The following GASK1A variants were observed in gnomAD, a reference collection of about 807,000 sequenced individuals.
GASK1A encodes Golgi-associated kinase 1A.
A neutral mutation model predicts 41.2 loss-of-function variants in GASK1A; 40 were observed. The ratio of observed to expected loss-of-function variants is 0.97; its 90% CI spans 0.75 to 1.27. The LOEUF is 1.27. Ranked by LOEUF, GASK1A falls within the 50% of genes most tolerant of loss-of-function variation. The probability of loss-of-function intolerance (pLI) is 0.00; values close to 1 mark genes in which losing one functional copy is unlikely to be tolerated. For missense variants in GASK1A, 678 were observed against 745.1 expected (o/e 0.91, Z 1.05); for synonymous variants, 316 against 307.1 (o/e 1.03, Z -0.30).
chr3:43,006,644 A>C (rs2089437542), intron 1 of GASK1A, among the ~76,000 whole-genome samples: 1 of 152,134 alleles, frequency 6.6e-6, no homozygotes, highest in Non-Finnish European at 1.5e-5. Flanking sequence ...TATTTTCCCC[A>C]GTGTTCTGAA....
intron 2 of GASK1A, among the ~76,000 whole-genome samples, chr3:43,040,132 G>A (rs1409733185): frequency 1.3e-5 from 2 of 152,012 alleles, no homozygotes; most frequent in Non-Finnish European, 2.9e-5. Context: ...TCCTGTTTTT[G>A]ATATATCTTT....
In GASK1A at chr3:42,984,076, T is replaced by C. The variant is rs2089294762; in HGVS notation, c.3+4431T>C. On this transcript the variant is annotated intron_variant, in intron 1 of 4. Transcript: ENST00000430121. The surrounding 1 kb of genome is among the most constrained non-coding windows in gnomAD (Gnocchi z 4.2). ...TGCATCAGTTTTCTTTGAGGCATGG[T>C]TGCTGTGAGTCACCTGGGGCTGTCT... 6.6e-6 allele frequency among the ~76,000 whole-genome samples: 1 copy of C among 152,126 alleles called. No individual in the cohort carries two copies. The highest frequency in any genetic ancestry group is 2.4e-5 in the African/African-American group (1 of 41,428).
At position 43,056,428 on chromosome 3, in the gene GASK1A, C is replaced by A; in HGVS notation, c.*42C>A. On this transcript the variant is annotated 3_prime_UTR_variant, in exon 5 of 5. Transcript: ENST00000430121. ...AGTCAATGAGCATCCATCCTGATGG[C>A]CACATTTTCTTGGGCTCACTCATCT... The A allele has an allele frequency of 6.9e-7, 1 of 1,444,284 alleles. No individual in the cohort carries two copies. The highest frequency in any genetic ancestry group is 9.2e-7 in the Non-Finnish European group (1 of 1,083,724). 89.5% of individuals were successfully genotyped at this position (1,444,284 alleles called of 1,614,324 possible).
At chr3:43,037,618 T>C (rs1182114878) in intron 2 of GASK1A, among the ~76,000 whole-genome samples, 1 of 152,178 alleles carries the variant, frequency 6.6e-6, no homozygotes, top group Non-Finnish European at 1.5e-5. Context: ...ATGATACATT[T>C]TTAATTTTAA....
At chr3:42,985,681 A>C (rs1339918104) in intron 1 of GASK1A, among the ~76,000 whole-genome samples, 1 of 151,800 alleles carries the variant, frequency 6.6e-6, no homozygotes. Context: ...TATTCTGCTG[A>C]AGATATAGAG....
rs144597277 is a variant in GASK1A, at chr3:42,988,644, G to A, written c.3+8999G>A. Among the ~76,000 whole-genome samples, 9 of 152,362 alleles carry A rather than the reference G, an allele frequency of 5.9e-5. No individual in the cohort carries two copies. In the East Asian group the frequency reaches 1.7e-3, roughly 29 times the overall value. The stretch of plus-strand genomic sequence containing the variant: ...CTGAGCCAGGCAGGTGCCCCTTTCA[G>A]CTTGTGAGCATGCCATGCAGCGGGG... On this transcript the variant is annotated intron_variant, in intron 1 of 4. Transcript: ENST00000430121.
chr3:43,043,148 G>A (rs1213976193), intron 2 of GASK1A, among the ~76,000 whole-genome samples: 1 of 152,208 alleles, frequency 6.6e-6, no homozygotes, highest in African/African-American at 2.4e-5. Flanking sequence ...CCCAGGCAGT[G>A]AGCCTGCCTA....
intron 2 of GASK1A, among the ~76,000 whole-genome samples, chr3:43,043,962 G>A (rs1382837487): frequency 6.6e-6 from 1 of 152,220 alleles, no homozygotes; most frequent in Admixed American, 6.5e-5. Flanking sequence ...ACACTGGCAA[G>A]TGTGCCAGCC....
At chr3:42,986,604 G>A (rs1290083024) in intron 1 of GASK1A, among the ~76,000 whole-genome samples, 6 of 151,944 alleles carry the variant, frequency 3.9e-5, no homozygotes, top group Admixed American at 2.0e-4. Flanking sequence ...GACCACAGGG[G>A]AACCTCCTGG....
At position 43,033,321 on chromosome 3, in the gene GASK1A, G is replaced by C; in HGVS notation, c.1058G>C (p.Ser353Thr). The change falls in exon 2 of 5, where the codon AGC (serine) becomes ACC (threonine). Residue 353 changes from serine to threonine, a missense_variant. Physicochemically the swap from Ser to Thr is moderately conservative, Grantham distance 58 (BLOSUM62 1). Transcript: ENST00000430121. ...SLPAVARRFH[S>T]PLLPYRYTDG... ...CCTGCTGTGGCCCGCCGCTTCCATAGCCCCCTCCTGCCCTACCGATACACA... is the reference window on the plus strand; with the variant it reads ...CCTGCTGTGGCCCGCCGCTTCCATACCCCCCTCCTGCCCTACCGATACACA... 6.4e-7 allele frequency: 1 copy of C among 1,551,104 alleles called. No individual in the cohort carries two copies. The highest frequency in any genetic ancestry group is 8.7e-7 in the Non-Finnish European group (1 of 1,146,736).
rs989959249 is a variant in GASK1A at position 42,996,910 on chromosome 3, A to T, written c.3+17265A>T. Among the ~76,000 whole-genome samples, 5 of 152,228 alleles carry T rather than the reference A, an allele frequency of 3.3e-5. No individual in the cohort carries two copies. In the East Asian group the frequency reaches 9.6e-4, roughly 29 times the overall value. On this transcript the variant is annotated intron_variant, in intron 1 of 4. Transcript: ENST00000430121. ...TGTGGTCTCCTTGGAGAATGTGCAC[A>T]AACTCTGAGAGGCCATTTGTCTTTC... is the stretch of plus-strand genomic sequence containing the variant.
At chr3:43,023,724 T>A (rs1199077977) in intron 1 of GASK1A, among the ~76,000 whole-genome samples, 1 of 152,216 alleles carries the variant, frequency 6.6e-6, no homozygotes, top group Non-Finnish European at 1.5e-5. Context: ...AATCATCAGA[T>A]AAATGTATCT....
At chr3:43,022,874 A>G (rs199694935) in intron 1 of GASK1A, among the ~76,000 whole-genome samples, 1 of 152,256 alleles carries the variant, frequency 6.6e-6, no homozygotes, top group East Asian at 1.9e-4. Context: ...TGGCACATTT[A>G]CATTGTGAAA....
chr3:43,051,270 G>A (rs765728219), intron 2 of GASK1A, among the ~76,000 whole-genome samples: 16 of 151,844 alleles, frequency 1.1e-4, no homozygotes, highest in Non-Finnish European at 2.4e-4. Context: ...TATTGTATAT[G>A]GCCACTGAAA....
chr3:42,997,707 A>G (rs919584085), intron 1 of GASK1A, among the ~76,000 whole-genome samples: 1 of 152,208 alleles, frequency 6.6e-6, no homozygotes, highest in South Asian at 2.1e-4. Context: ...TTTGACAGTT[A>G]TCTCATTTAA....
chr3:42,979,362 C>T lies in GASK1A; in HGVS notation c.-281C>T. ...AGTAGACCGCAGAGGCTCGCGGCCG[C>T]GGGTAGGCTCCCTCAGATCCCCGTA... On this transcript the variant is annotated 5_prime_UTR_variant, in exon 1 of 5. Coordinates refer to ENST00000430121, the MANE Select transcript of GASK1A (RefSeq NM_001129908.3). 3 of 381,960 alleles carry T rather than the reference C, an allele frequency of 7.9e-6. No homozygotes were observed. Among genetic ancestry groups the T allele is most frequent in the Non-Finnish European group, 9.2e-6 (2 of 216,490 alleles). The allele number at this position is 381,960 out of a possible 1,614,324, so 23.7% of individuals were successfully genotyped here. A position where few individuals can be genotyped will look rare whatever the true frequency, so the allele number is the denominator to read the frequency against.
chr3:43,042,511 A>G (rs2089643112), intron 2 of GASK1A, among the ~76,000 whole-genome samples: 1 of 151,926 alleles, frequency 6.6e-6, no homozygotes, highest in South Asian at 2.1e-4. Flanking sequence ...AAAGAGTTTC[A>G]TTTTCAGGAA....
At chr3:42,993,432 TTAA>T (rs2089352537) in intron 1 of GASK1A, among the ~76,000 whole-genome samples, 1 of 152,242 alleles carries the variant, frequency 6.6e-6, no homozygotes, top group African/African-American at 2.4e-5. Context: ...TTTTAATGTG[TTAA>T]TAAAGAAGCA....
intron 2 of GASK1A, among the ~76,000 whole-genome samples, chr3:43,045,619 G>A (rs1463049491): frequency 6.6e-6 from 1 of 152,178 alleles, no homozygotes; most frequent in African/African-American, 2.4e-5. Flanking sequence ...GGTAGCCTCT[G>A]GTGGCTCTTG....
Sources: gnomAD v4.1 joint callset for allele counts (sites outside exome capture counted in the v4.1 genomes callset) on GRCh38, gnomAD v4.1.1 for gene constraint, Gnocchi (gnomAD v3.1) non-coding constraint, MANE v1.5 for transcripts, NCBI Gene and HGNC (gene_info 2026-07-23, HGNC 2026-07-21) for gene names.